H2BC18: variants seen among roughly 807,000 people sequenced by gnomAD.
H2BC18 encodes the protein H2B clustered histone 18.
In H2BC18, 8 loss-of-function variants were observed where a neutral mutation model predicts 6.3. The observed-to-expected ratio is 1.28, with a 90% CI of 0.75 to 2.31. The LOEUF (loss-of-function observed/expected upper bound fraction) is 2.31. Among genes scored for constraint, H2BC18 ranks in the 30% most tolerant of loss-of-function variants. H2BC18 has a pLI of 0.00. For missense variants in H2BC18, 106 were observed against 174.5 expected, an observed-to-expected ratio of 0.61 and a Z score of 2.21; for synonymous variants, 104 against 78.1, an observed-to-expected ratio of 1.33 and a Z score of -1.75.
intron 1 of H2BC18, among the ~76,000 whole-genome samples, chr1:149,804,930 G>A (rs1370985341): frequency 6.6e-6 from 1 of 151,600 alleles, no homozygotes; most frequent in African/African-American, 2.4e-5. Flanking sequence ...TGGGCAAGGT[G>A]GTAAGAGCCA....
intron 1 of H2BC18, among the ~76,000 whole-genome samples, chr1:149,804,165 CAAAATT>C (rs1329214224): frequency 1.9e-4 from 29 of 152,064 alleles, no homozygotes; most frequent in African/African-American, 7.0e-4. Flanking sequence ...GTTAAATCCT[CAAAATT>C]AAGAGCTTTC....
At chr1:149,802,545 A>T (rs587607282) in intron 1 of H2BC18, among the ~76,000 whole-genome samples, 5 of 152,316 alleles carry the variant, frequency 3.3e-5, no homozygotes, top group South Asian at 2.1e-4. Context: ...ATATAGATAG[A>T]TGATAATAGA....
At position 149,790,084 on chromosome 1, in the gene H2BC18, C is replaced by G. The variant is rs587747067; in HGVS notation, c.378-6824G>C. 81 of 1,613,860 alleles carry G rather than the reference C, an allele frequency of 5.0e-5. 1 individual carries two copies. In the African/African-American group the frequency reaches 8.7e-4, roughly 17 times the overall value. On this transcript the variant is annotated intron_variant, in intron 1 of 1. Coordinates refer to the H2BC18 transcript ENST00000545683. ...TTTCCAGCTCCAGTGCTGAATGCAT[C>G]TGTGACATCCCCACTCCTGGAGGGG... is the stretch of plus-strand genomic sequence containing the variant.
chr1:149,791,243 A>C, intron 1 of H2BC18: 1 of 1,605,338 alleles, frequency 6.2e-7, no homozygotes. Context: ...TCAGGCCTCC[A>C]GTTACCAACT....
intron 1 of H2BC18, among the ~76,000 whole-genome samples, chr1:149,801,834 G>T (rs1329898288): frequency 6.6e-6 from 1 of 152,112 alleles, no homozygotes; most frequent in Non-Finnish European, 1.5e-5. Flanking sequence ...AACAGTCACA[G>T]TTCTGTTTCA....
At chr1:149,802,909 G>C (rs2091887146) in intron 1 of H2BC18, among the ~76,000 whole-genome samples, 2 of 152,192 alleles carry the variant, frequency 1.3e-5, no homozygotes, top group African/African-American at 2.4e-5. Context: ...CTCCTGCTTT[G>C]TTGTAGCTAC....
chr1:149,792,820 C>T, intron 1 of H2BC18: 2 of 1,278,836 alleles, frequency 1.6e-6, no homozygotes, highest in Non-Finnish European at 2.0e-6. Context: ...TGGGCAGCAA[C>T]GGCGGCAGGC....
In H2BC18 at chr1:149,812,338, A is replaced by G. The variant is rs373268608; in HGVS notation, c.-15T>C. 3 of 1,613,946 alleles carry G rather than the reference A, an allele frequency of 1.9e-6. No individual in the cohort carries two copies. The highest frequency in any genetic ancestry group is 1.7e-5 in the Admixed American group (1 of 59,962). ...GGATCCGGCATTTTTGCGCGAAAAAAGAGAAAAGAGACTTAAAGAAGTAAT... is the reference window on the plus strand; with the variant it reads ...GGATCCGGCATTTTTGCGCGAAAAAGGAGAAAAGAGACTTAAAGAAGTAAT... On this transcript the variant is annotated 5_prime_UTR_variant, in exon 1 of 1. Coordinates refer to ENST00000369167, the MANE Select transcript of H2BC18 (RefSeq NM_001024599.5).
intron 1 of H2BC18, among the ~76,000 whole-genome samples, chr1:149,784,415 C>T (rs2091485035): frequency 1.3e-5 from 2 of 152,106 alleles, no homozygotes; most frequent in African/African-American, 4.8e-5. Flanking sequence ...CTCAAAACAT[C>T]ACAGCAGGGT....
intron 1 of H2BC18, chr1:149,789,996 G>T (rs587728006): frequency 3.1e-6 from 5 of 1,613,200 alleles, no homozygotes; most frequent in Non-Finnish European, 4.2e-6. Flanking sequence ...CATGTCTTTT[G>T]TGAAAAGGAC....
At chr1:149,784,700 CT>C (rs2091493479) in intron 1 of H2BC18, among the ~76,000 whole-genome samples, 1 of 146,222 alleles carries the variant, frequency 6.8e-6, no homozygotes, top group Non-Finnish European at 1.5e-5. Context: ...TATATATAAA[CT>C]ATATATATAT....
At chr1:149,790,433 A>G in intron 1 of H2BC18, 2 of 1,542,078 alleles carry the variant, frequency 1.3e-6, no homozygotes, top group South Asian at 1.2e-5. Flanking sequence ...TGGCCCAGAC[A>G]GGAGGGGAAA....
Position 149,812,201 on chromosome 1 carries a change from G to A in H2BC18, c.123C>T (p.Tyr41=), listed in dbSNP as rs137884388. ...KRSRKESYSV[Y]VYKVLKQVHP... ...GGACCTGCTTCAGCACCTTGTACAC[G>A]TAAACGGAGTAGCTCTCCTTGCGGC... Residue 41 remains tyrosine (Y), a synonymous_variant, in exon 1 of 1, where the codon TAC becomes TAT. Coordinates refer to ENST00000369167, the MANE Select transcript of H2BC18 (RefSeq NM_001024599.5). The A allele has an allele frequency of 2.5e-6, 4 of 1,614,288 alleles. No individual in the cohort carries two copies. Among genetic ancestry groups the A allele is most frequent in the East Asian group, 2.2e-5 (1 of 44,890 alleles).
chr1:149,790,364 T>C lies in H2BC18; in HGVS notation c.378-7104A>G, dbSNP rs1553751637. 1.9e-6 allele frequency: 3 copies of C among 1,574,172 alleles called. No individual in the cohort carries two copies. The East Asian group carries it at 6.8e-5, about 36-fold the overall frequency. ...GTGAGTGAGAATGACGGGAAGCCAC[T>C]GGCACAGAAGAAGGGACTCCCTTAT... On this transcript the variant is annotated intron_variant, in intron 1 of 1. Transcript: ENST00000545683.
intron 1 of H2BC18, among the ~76,000 whole-genome samples, chr1:149,806,291 T>A (rs2474478): frequency 0.052 from 7,917 of 152,152 alleles, 259 homozygotes; most frequent in Non-Finnish European, 0.079. Context: ...ATATGGAGAA[T>A]AATTAAGAAA....
intron 1 of H2BC18, chr1:149,788,388 C>T: frequency 1.2e-6 from 2 of 1,613,182 alleles, no homozygotes; most frequent in Middle Eastern, 1.8e-4. Context: ...TGCAGGTCTC[C>T]AGCAGAGTCT....
chr1:149,807,512 G>T (rs1448424695), downstream of H2BC18, among the ~76,000 whole-genome samples: 2 of 12,396 alleles, frequency 1.6e-4, no homozygotes, highest in African/African-American at 5.2e-4. Context: ...AAGGCATGGC[G>T]GGGGGGGGGG....
intron 1 of H2BC18, among the ~76,000 whole-genome samples, chr1:149,784,761 C>G (rs2091496665): frequency 6.7e-6 from 1 of 150,302 alleles, no homozygotes; most frequent in Non-Finnish European, 1.5e-5. Flanking sequence ...TGGTAGAACA[C>G]TTTCTAAGTA....
At chr1:149,789,127 T>C (rs1399307555) in intron 1 of H2BC18, among the ~76,000 whole-genome samples, 2 of 151,506 alleles carry the variant, frequency 1.3e-5, no homozygotes, top group East Asian at 3.9e-4. Flanking sequence ...TTTCACGGCC[T>C]TTCCTCTTAA....
Sources: gnomAD v4.1 joint callset for allele counts (sites outside exome capture counted in the v4.1 genomes callset) on GRCh38, gnomAD v4.1.1 for gene constraint, MANE v1.5 for transcripts, NCBI Gene and HGNC (gene_info 2026-07-23, HGNC 2026-07-21) for gene names.